Variants in COIL observed in about 807,000 individuals in gnomAD.
COIL encodes coilin.
COIL carries 28 observed loss-of-function variants against 51.6 expected under a neutral mutation model. That is an observed-to-expected ratio of 0.54 (90% CI 0.40 to 0.74). The LOEUF is 0.74. Among genes scored for constraint, COIL ranks in the 30% least tolerant of loss-of-function variants. The pLI, the probability that COIL is intolerant of heterozygous loss-of-function variation, is 0.00. For synonymous variants in COIL, 233 were observed against 255.8 expected (o/e 0.91, Z 0.85); for missense variants, 667 against 685.9 (o/e 0.97, Z 0.31).
At chr17:56,943,998 G>A (rs1314499680) in intron 5 of COIL, among the ~76,000 whole-genome samples, 3 of 150,500 alleles carry the variant, frequency 2.0e-5, no homozygotes, top group Non-Finnish European at 3.0e-5. Context: ...CTCAAGTAGC[G>A]AGGACTACAA....
chr17:56,945,319 T>C (rs1299907294), intron 5 of COIL, among the ~76,000 whole-genome samples: 1 of 151,864 alleles, frequency 6.6e-6, no homozygotes, highest in Non-Finnish European at 1.5e-5. Flanking sequence ...GCCTGGGCGA[T>C]AGAGTGAGAC....
Position 56,960,745 on chromosome 17 carries a change from C to A in COIL, c.245+30G>T, listed in dbSNP as rs566001775. ...AGGCGCGTCCCCCGCCCGCCGCCCA[C>A]CCGGCCGTCCCGCTCCCTGCGCCGC... On this transcript the variant is annotated intron_variant, in intron 1 of 6. Transcript: ENST00000240316. The A allele has an allele frequency of 5.4e-6, 8 of 1,486,212 alleles. No individual in the cohort carries two copies. In the East Asian group the frequency reaches 2.0e-4, roughly 38 times the overall value. 92.1% of individuals were successfully genotyped at this position (1,486,212 alleles called of 1,614,324 possible). A position where few individuals can be genotyped will look rare whatever the true frequency, so the allele number is the denominator to read the frequency against.
At chr17:56,944,836 T>TA (rs1201339258) in intron 5 of COIL, among the ~76,000 whole-genome samples, 1 of 149,194 alleles carries the variant, frequency 6.7e-6, no homozygotes, top group Non-Finnish European at 1.5e-5. Context: ...GCTAACATGG[T>TA]AAAACCCCGT....
rs1910090469 is a variant in COIL at position 56,938,839 on chromosome 17, ATGTTTTACAT to A, written c.*222_*231del. The A allele has an allele frequency of 5.0e-6, 2 of 398,228 alleles. No homozygotes were observed. Among genetic ancestry groups the A allele is most frequent in the Admixed American group, 4.4e-5 (1 of 22,518 alleles). 24.7% of individuals were successfully genotyped at this position (398,228 alleles called of 1,614,324 possible). A position where few individuals can be genotyped will look rare whatever the true frequency, so the allele number is the denominator to read the frequency against. On this transcript the variant is annotated 3_prime_UTR_variant, in exon 7 of 7. Transcript: ENST00000240316. The stretch of plus-strand genomic sequence containing the variant: ...TACAACAATATCTGCAGGGAATGTC[ATGTTTTACAT>A]TTTGTTAACTGAAATTAAACCTGAC...
At chr17:56,953,484 G>A (rs1425568605) in intron 1 of COIL, among the ~76,000 whole-genome samples, 1 of 151,770 alleles carries the variant, frequency 6.6e-6, no homozygotes, top group African/African-American at 2.4e-5. Flanking sequence ...AGCTACCTGA[G>A]GTAGGAGGAT....
At chr17:56,944,523 C>T (rs534988589) in intron 5 of COIL, among the ~76,000 whole-genome samples, 18 of 151,384 alleles carry the variant, frequency 1.2e-4, no homozygotes, top group Admixed American at 3.3e-4. Flanking sequence ...ACCCGGGAGG[C>T]GGAGCTTGCA....
intron 5 of COIL, among the ~76,000 whole-genome samples, chr17:56,943,698 A>G (rs1363964553): frequency 6.6e-6 from 1 of 152,182 alleles, no homozygotes; most frequent in Non-Finnish European, 1.5e-5. Context: ...ATATAGTGAT[A>G]TGTGGACTAA....
chr17:56,951,443 T>C (rs978646454), intron 1 of COIL: 4 of 154,678 alleles, frequency 2.6e-5, no homozygotes, highest in African/African-American at 7.2e-5. Context: ...ATAATGCTGA[T>C]TATCCATTTT....
intron 1 of COIL, among the ~76,000 whole-genome samples, chr17:56,956,840 C>T (rs538957308): frequency 3.9e-5 from 6 of 152,302 alleles, no homozygotes; most frequent in Non-Finnish European, 5.9e-5. Context: ...GGCAATCTGC[C>T]TGCCTCAGCC....
At chr17:56,940,661 A>T (rs1424764858) in intron 6 of COIL, among the ~76,000 whole-genome samples, 1 of 152,240 alleles carries the variant, frequency 6.6e-6, no homozygotes, top group Non-Finnish European at 1.5e-5. Flanking sequence ...GGGTTTCTAC[A>T]AGTTCACACT....
At chr17:56,958,876 T>A (rs1353856521) in intron 1 of COIL, among the ~76,000 whole-genome samples, 2 of 152,234 alleles carry the variant, frequency 1.3e-5, no homozygotes, top group African/African-American at 2.4e-5. Context: ...AATCATAATA[T>A]CCTGATTTAA....
intron 5 of COIL, among the ~76,000 whole-genome samples, chr17:56,942,525 T>C (rs891640545): frequency 9.3e-5 from 14 of 150,168 alleles, no homozygotes; most frequent in Non-Finnish European, 1.5e-4. Context: ...CAGTCCCCCT[T>C]TTTTTTTTAA....
At position 56,953,282 on chromosome 17, in the gene COIL, G is replaced by T. The variant is rs1463835064; in HGVS notation, c.246-2286C>A. Among the ~76,000 whole-genome samples, 5 of 151,750 alleles carry T rather than the reference G, an allele frequency of 3.3e-5. No individual in the cohort carries two copies. The East Asian group carries it at 9.7e-4, about 29-fold the overall frequency. On this transcript the variant is annotated intron_variant, in intron 1 of 6. Transcript: ENST00000240316. ...AAAAATTAGCCAGGCGTGGTGGCGGGCGCCTGTAGTCCCAGCTACTCGGGA... is the reference window on the plus strand; with the variant it reads ...AAAAATTAGCCAGGCGTGGTGGCGGTCGCCTGTAGTCCCAGCTACTCGGGA...
In COIL at chr17:56,950,828, G is replaced by A; in HGVS notation, c.414C>T (p.Asn138=). 1 of 1,613,862 alleles carries A rather than the reference G, an allele frequency of 6.2e-7. No individual in the cohort carries two copies. The highest frequency in any genetic ancestry group is 8.5e-7 in the Non-Finnish European group (1 of 1,180,004). The change falls in exon 2 of 7, where the codon AAC becomes AAT. Residue 138 remains asparagine, a synonymous_variant. Coordinates refer to ENST00000240316, the MANE Select transcript of COIL (RefSeq NM_004645.3). The part of the protein sequence containing the change: ...YSKKHWKSRE[N]NNNNEKVLDL... Reference sequence around the variant, plus strand: ...CCAAGACCTTCTCATTATTGTTATTGTTCTCTCGACTCTTCCAATGCTTCT... The same window carrying A: ...CCAAGACCTTCTCATTATTGTTATTATTCTCTCGACTCTTCCAATGCTTCT...
intron 1 of COIL, among the ~76,000 whole-genome samples, chr17:56,956,590 CGTTT>C (rs751057626): frequency 1.8e-4 from 28 of 151,532 alleles, no homozygotes; most frequent in East Asian, 3.9e-4. Flanking sequence ...TTTTTTTGTT[CGTTT>C]GTTTGTTTGT....
chr17:56,950,541 C>T lies in COIL; in HGVS notation c.701G>A (p.Gly234Asp), dbSNP rs769315926. Residue 234 changes from glycine (G) to aspartate (D), a missense_variant, in exon 2 of 7, where the codon GGT becomes GAT. Coordinates refer to ENST00000240316, the MANE Select transcript of COIL (RefSeq NM_004645.3). ...RNSLVKAKRK[G>D]SVSVCSKESP... ...CTCTTTTGAGCAAACGCTTACACTA[C>T]CTTTCCTTTTGGCTTTAACAAGGCT... 1 of 1,614,218 alleles carries T rather than the reference C, an allele frequency of 6.2e-7. No individual in the cohort carries two copies. Among genetic ancestry groups the T allele is most frequent in the Non-Finnish European group, 8.5e-7 (1 of 1,180,028 alleles).
intron 5 of COIL, 40 bp downstream of exon 5, chr17:56,946,402 A>G (rs2144395153): frequency 7.3e-7 from 1 of 1,372,112 alleles, no homozygotes; most frequent in Middle Eastern, 1.8e-4. Context: ...ACCACTGTAG[A>G]TAGAGCCTAC....
In COIL at chr17:56,941,940, C is replaced by G. The variant is rs371744342; in HGVS notation, c.1647+95G>C. The stretch of plus-strand genomic sequence containing the variant: ...ACACCATAAGAAGGTCAGATTCCCC[C>G]CAGGGCCTGTAGTGCAATGTCACCT... On this transcript the variant is annotated intron_variant, in intron 6 of 6. Coordinates refer to ENST00000240316, the MANE Select transcript of COIL (RefSeq NM_004645.3). 1,445 of 1,006,432 alleles carry G rather than the reference C, an allele frequency of 1.4e-3. 12 individuals carry two copies. The Middle Eastern group carries it at 0.021, about 14-fold the overall frequency. 62.3% of individuals were successfully genotyped at this position (1,006,432 alleles called of 1,614,324 possible).
intron 6 of COIL, among the ~76,000 whole-genome samples, 161 bp from the exon 7 acceptor site, chr17:56,939,315 C>T (rs1044871777): frequency 1.3e-5 from 2 of 152,112 alleles, no homozygotes; most frequent in Non-Finnish European, 2.9e-5. Flanking sequence ...ACTCTTTAGG[C>T]CAGGCGCTGT....
Sources: gnomAD v4.1 joint callset for allele counts (sites outside exome capture counted in the v4.1 genomes callset) on GRCh38, gnomAD v4.1.1 for gene constraint, MANE v1.5 for transcripts, NCBI Gene and HGNC (gene_info 2026-07-23, HGNC 2026-07-21) for gene names.